The following NEGR1 variants were observed in gnomAD, a reference collection of about 807,000 sequenced individuals.
NEGR1 encodes IgLON family member 4.
Under a neutral mutation model 40.9 loss-of-function variants are expected in NEGR1, and 10 were observed. That is an observed-to-expected ratio of 0.24 (90% CI 0.15 to 0.42). The LOEUF (loss-of-function observed/expected upper bound fraction) is 0.42. Among genes scored for constraint, NEGR1 ranks in the 10% least tolerant of loss-of-function variants. The pLI, the probability that NEGR1 is intolerant of heterozygous loss-of-function variation, is 1.00. For missense variants in NEGR1, 352 were observed against 438.9 expected (o/e 0.80, Z 1.77); for synonymous variants, 185 against 166.8 (o/e 1.11, Z -0.84).
chr1:72,225,409 A>T (rs1654159743), intron 1 of NEGR1, among the ~76,000 whole-genome samples: 1 of 151,794 alleles, frequency 6.6e-6, no homozygotes, highest in African/African-American at 2.4e-5. Flanking sequence ...ATTTTCTTTA[A>T]ATATGAGTTT....
At chr1:71,995,842 AAATT>A in intron 1 of NEGR1, among the ~76,000 whole-genome samples, 1 of 152,284 alleles carries the variant, frequency 6.6e-6, no homozygotes, top group African/African-American at 2.4e-5. Flanking sequence ...TTTCTAAATG[AAATT>A]AATTGAAGTT....
At chr1:71,801,534 T>A (rs1157701367) in intron 2 of NEGR1, among the ~76,000 whole-genome samples, 1 of 152,196 alleles carries the variant, frequency 6.6e-6, no homozygotes, top group Non-Finnish European at 1.5e-5. Flanking sequence ...TGCCAGCCTT[T>A]CTTATCTCAG....
intron 1 of NEGR1, among the ~76,000 whole-genome samples, chr1:72,199,403 G>A (rs1653120855): frequency 6.6e-6 from 1 of 151,972 alleles, no homozygotes; most frequent in Non-Finnish European, 1.5e-5. Context: ...AGGACAAAGA[G>A]CTTAAGTAAC....
At chr1:72,239,816 G>T (rs984946366) in intron 1 of NEGR1, among the ~76,000 whole-genome samples, 2 of 151,622 alleles carry the variant, frequency 1.3e-5, no homozygotes, top group Admixed American at 1.3e-4. Flanking sequence ...GACTCCTTCT[G>T]CACATAAATA....
At chr1:71,700,976 A>T (rs927784013) in intron 3 of NEGR1, among the ~76,000 whole-genome samples, 2 of 152,048 alleles carry the variant, frequency 1.3e-5, no homozygotes, top group Non-Finnish European at 1.5e-5. Flanking sequence ...AGCATGAGCC[A>T]AGAAAAGCTG....
chr1:71,665,590 T>C (rs1442364740), intron 4 of NEGR1, among the ~76,000 whole-genome samples: 2 of 152,146 alleles, frequency 1.3e-5, no homozygotes, highest in Non-Finnish European at 2.9e-5. Context: ...CCTGTCCCAT[T>C]GTTGAACAAT....
chr1:71,884,926 T>C (rs72678994), intron 2 of NEGR1, among the ~76,000 whole-genome samples: 11,984 of 152,326 alleles, frequency 0.079, 641 homozygotes, highest in Non-Finnish European at 0.11. Flanking sequence ...AAATAATTTC[T>C]GAGGGTTCCA....
At chr1:72,281,235 AAAAG>A (rs545284973) in intron 1 of NEGR1, among the ~76,000 whole-genome samples, 49 of 149,984 alleles carry the variant, frequency 3.3e-4, no homozygotes, top group Non-Finnish European at 6.0e-4. Flanking sequence ...CAGAAAGAGA[AAAAG>A]AGAGAAGCAG....
intron 6 of NEGR1, among the ~76,000 whole-genome samples, chr1:71,481,619 G>C (rs1241442201): frequency 6.6e-6 from 1 of 151,844 alleles, no homozygotes; most frequent in Non-Finnish European, 1.5e-5. Flanking sequence ...CACCAATTAA[G>C]ATTTTAGTAA....
intron 2 of NEGR1, among the ~76,000 whole-genome samples, chr1:71,810,524 A>G (rs988847854): frequency 6.6e-6 from 1 of 152,172 alleles, no homozygotes; most frequent in Non-Finnish European, 1.5e-5. Context: ...TAATGAGTTT[A>G]CTGAAAGAGC....
At chr1:71,664,735 A>T (rs1026895992) in intron 4 of NEGR1, among the ~76,000 whole-genome samples, 3 of 152,010 alleles carry the variant, frequency 2.0e-5, no homozygotes, top group South Asian at 2.1e-4. Flanking sequence ...GAGAAAAAAA[A>T]ATATATATCT....
At chr1:72,107,335 C>A (rs1283625993) in intron 1 of NEGR1, among the ~76,000 whole-genome samples, 2 of 151,282 alleles carry the variant, frequency 1.3e-5, no homozygotes, top group African/African-American at 2.4e-5. Flanking sequence ...TAAGGTCTTA[C>A]TTTGGAAAAA....
intron 1 of NEGR1, among the ~76,000 whole-genome samples, chr1:72,081,224 A>C (rs1219598338): frequency 6.6e-6 from 1 of 152,072 alleles, no homozygotes; most frequent in African/African-American, 2.4e-5. Flanking sequence ...CATCCTAGAG[A>C]AATCAAATAA....
chr1:71,438,098 G>T (rs957377920), intron 6 of NEGR1, among the ~76,000 whole-genome samples: 2 of 152,178 alleles, frequency 1.3e-5, no homozygotes, highest in African/African-American at 4.8e-5. Flanking sequence ...CGCTTGTTGA[G>T]AGTTTCAACA....
At chr1:71,671,831 T>G (rs533236562) in intron 4 of NEGR1, among the ~76,000 whole-genome samples, 2 of 152,138 alleles carry the variant, frequency 1.3e-5, no homozygotes, top group East Asian at 3.9e-4. Context: ...CTACTCTCAC[T>G]GGATGTTTTA....
intron 6 of NEGR1, among the ~76,000 whole-genome samples, chr1:71,413,021 A>T (rs1322656308): frequency 1.9e-5 from 1 of 52,508 alleles, no homozygotes; most frequent in Non-Finnish European, 4.7e-5. Flanking sequence ...ATGACATTGT[A>T]TATAATATAT....
At chr1:71,934,642 T>A (rs1645887128) in intron 2 of NEGR1, among the ~76,000 whole-genome samples, 1 of 152,270 alleles carries the variant, frequency 6.6e-6, no homozygotes, top group South Asian at 2.1e-4. Flanking sequence ...GTGTCAATCA[T>A]GGGCTCCCAA....
chr1:72,277,230 C>A (rs745499435), intron 1 of NEGR1, among the ~76,000 whole-genome samples: 3 of 152,082 alleles, frequency 2.0e-5, no homozygotes, highest in East Asian at 1.9e-4. Flanking sequence ...CACCCGCAGA[C>A]CCCCCTCCAC....
intron 6 of NEGR1, among the ~76,000 whole-genome samples, chr1:71,434,063 A>C (rs2101300213): frequency 6.6e-6 from 1 of 152,346 alleles, no homozygotes; most frequent in Admixed American, 6.5e-5. Flanking sequence ...AATACTGGTT[A>C]GAATTATGTG....
Sources: allele counts gnomAD v4.1 joint callset (sites outside exome capture counted in the v4.1 genomes callset), GRCh38; gene constraint gnomAD v4.1.1; transcripts MANE v1.5; gene names NCBI Gene and HGNC (gene_info 2026-07-23, HGNC 2026-07-21).